Variants in STPG2 observed in about 807,000 individuals in gnomAD.
STPG2 encodes the protein sperm-tail PG-rich repeat-containing protein 2.
STPG2 carries 56 observed loss-of-function variants against 54.2 expected under a neutral mutation model. The observed-to-expected ratio is 1.03, with a 90% CI of 0.83 to 1.29. The LOEUF (loss-of-function observed/expected upper bound fraction) is 1.29. STPG2 is among the 50% of genes most tolerant of loss of function. STPG2 has a pLI of 0.00. For synonymous variants in STPG2, 200 were observed against 181.8 expected, an observed-to-expected ratio of 1.10 and a Z score of -0.81; for missense variants, 596 against 544.9, an observed-to-expected ratio of 1.09 and a Z score of -0.93.
At chr4:97,992,192 G>C (rs1224872893) in intron 5 of STPG2, among the ~76,000 whole-genome samples, 1 of 152,078 alleles carries the variant, frequency 6.6e-6, no homozygotes, top group African/African-American at 2.4e-5. Flanking sequence ...GTCTAGAAGG[G>C]TTTTTCCAAT....
In STPG2 at chr4:98,106,279, A is replaced by G. The variant is rs151190262; in HGVS notation, c.501-215T>C. The stretch of plus-strand genomic sequence containing the variant: ...TTTTTTTCCAATTCAGATCATTATT[A>G]TAAACCTATCTGAATAATTATTACA... On this transcript the variant is annotated intron_variant, in intron 4 of 10. Transcript: ENST00000295268. Among the ~76,000 whole-genome samples, 42 of 152,228 alleles carry G rather than the reference A, an allele frequency of 2.8e-4. 1 individual carries two copies. The East Asian group carries it at 3.5e-3, about 13-fold the overall frequency.
intron 4 of STPG2, among the ~76,000 whole-genome samples, chr4:97,500,045 T>C (rs977528195): frequency 1.3e-5 from 2 of 151,930 alleles, no homozygotes; most frequent in Non-Finnish European, 2.9e-5. Flanking sequence ...AATTGGGCCA[T>C]TCTGACTATG....
At chr4:98,083,836 T>C (rs2110118703) in intron 5 of STPG2, among the ~76,000 whole-genome samples, 1 of 152,256 alleles carries the variant, frequency 6.6e-6, no homozygotes, top group South Asian at 2.1e-4. Flanking sequence ...CTCAGACAAT[T>C]CTTCCACAGC....
intron 4 of STPG2, among the ~76,000 whole-genome samples, chr4:97,473,917 C>A (rs1353413386): frequency 6.6e-6 from 1 of 152,048 alleles, no homozygotes; most frequent in Non-Finnish European, 1.5e-5. Context: ...TGAGTTTCCC[C>A]TGATAATTGG....
chr4:98,038,501 A>G (rs1300261234), intron 5 of STPG2, among the ~76,000 whole-genome samples: 1 of 152,066 alleles, frequency 6.6e-6, no homozygotes, highest in Non-Finnish European at 1.5e-5. Context: ...TAACGTAGGC[A>G]TATTTTGGTA....
intron 5 of STPG2, among the ~76,000 whole-genome samples, chr4:98,019,165 G>T (rs1736082782): frequency 6.6e-6 from 1 of 152,184 alleles, no homozygotes; most frequent in South Asian, 2.1e-4. Flanking sequence ...TAACATGTAA[G>T]TCTTTAATCC....
chr4:97,538,059 A>G (rs1731582642), intron 4 of STPG2, among the ~76,000 whole-genome samples: 1 of 152,192 alleles, frequency 6.6e-6, no homozygotes, highest in Non-Finnish European at 1.5e-5. Context: ...ACCATCATCA[A>G]AGACCAAAGG....
intron 8 of STPG2, among the ~76,000 whole-genome samples, chr4:97,938,017 A>G (rs924535310): frequency 3.3e-5 from 5 of 152,188 alleles, no homozygotes; most frequent in African/African-American, 1.2e-4. Context: ...CACAGAGACC[A>G]TGGCCACCCC....
Position 97,857,683 on chromosome 4 carries a change from A to G in STPG2, c.1045-16751T>C, listed in dbSNP as rs185478303. ...ATGCTCTGATAAAAGAAAATCACCA[A>G]ATAAACAAAACAAGGCACAAGAGAC... On this transcript the variant is annotated intron_variant, in intron 8 of 10. Transcript: ENST00000295268. Among the ~76,000 whole-genome samples the G allele has an allele frequency of 3.3e-5, 5 of 151,808 alleles. No homozygotes were observed. In the East Asian group the frequency reaches 9.7e-4, roughly 29 times the overall value.
At chr4:98,049,490 A>T (rs1345791700) in intron 5 of STPG2, among the ~76,000 whole-genome samples, 3 of 152,230 alleles carry the variant, frequency 2.0e-5, no homozygotes, top group African/African-American at 7.2e-5. Flanking sequence ...AAAACAGAAC[A>T]TATTGAGCAG....
intron 10 of STPG2, among the ~76,000 whole-genome samples, chr4:97,694,165 G>C (rs928574628): frequency 3.3e-5 from 5 of 152,004 alleles, no homozygotes; most frequent in Non-Finnish European, 1.5e-5. Flanking sequence ...AACAAAATTA[G>C]AGCAGAATTG....
At chr4:97,450,039 A>G (rs1393707250) in intron 4 of STPG2, among the ~76,000 whole-genome samples, 2 of 152,204 alleles carry the variant, frequency 1.3e-5, no homozygotes, top group Non-Finnish European at 2.9e-5. Flanking sequence ...AAAAATATAA[A>G]ATTGGAACTG....
chr4:97,568,638 GATAATA>G (rs1373880681), intron 10 of STPG2, among the ~76,000 whole-genome samples: 3 of 151,918 alleles, frequency 2.0e-5, no homozygotes, highest in African/African-American at 7.3e-5. Context: ...AAGAGCAATA[GATAATA>G]ATAATTAAAA....
chr4:97,839,600 A>G (rs1728738076), intron 9 of STPG2, among the ~76,000 whole-genome samples: 1 of 151,656 alleles, frequency 6.6e-6, no homozygotes, highest in African/African-American at 2.4e-5. Context: ...TCAGGGACAC[A>G]CTACAGGAGT....
chr4:97,774,822 C>A (rs1157561441), intron 9 of STPG2, among the ~76,000 whole-genome samples: 2 of 152,138 alleles, frequency 1.3e-5, no homozygotes, highest in Non-Finnish European at 2.9e-5. Flanking sequence ...ATCTTCTAAC[C>A]TCAAAACCAC....
At chr4:98,027,681 C>T (rs2149297384) in intron 5 of STPG2, among the ~76,000 whole-genome samples, 1 of 152,270 alleles carries the variant, frequency 6.6e-6, no homozygotes, top group South Asian at 2.1e-4. Context: ...TCTCAAAACC[C>T]TGTAAGGAAA....
chr4:98,018,233 A>G (rs1228721027), intron 5 of STPG2, among the ~76,000 whole-genome samples: 4 of 150,810 alleles, frequency 2.7e-5, no homozygotes, highest in African/African-American at 7.3e-5. Context: ...TGTTCTCATT[A>G]TTCAATTCCC....
At chr4:97,699,241 C>T (rs1723688193) in intron 10 of STPG2, among the ~76,000 whole-genome samples, 1 of 152,178 alleles carries the variant, frequency 6.6e-6, no homozygotes, top group Non-Finnish European at 1.5e-5. Context: ...CATGCATAAC[C>T]TCCATCACTG....
intron 8 of STPG2, among the ~76,000 whole-genome samples, chr4:97,906,334 A>C (rs1490068499): frequency 6.6e-6 from 1 of 152,234 alleles, no homozygotes; most frequent in Non-Finnish European, 1.5e-5. Flanking sequence ...TGAATCTCTG[A>C]ATACACCAAT....
Sources: gnomAD v4.1 joint callset for allele counts (sites outside exome capture counted in the v4.1 genomes callset) on GRCh38, gnomAD v4.1.1 for gene constraint, MANE v1.5 for transcripts, NCBI Gene and HGNC (gene_info 2026-07-23, HGNC 2026-07-21) for gene names.